The following SPIRE2 variants were observed in gnomAD, a reference collection of about 807,000 sequenced individuals.
SPIRE2 encodes the protein protein spire homolog 2.
In SPIRE2, 76 loss-of-function variants were observed where a neutral mutation model predicts 80.7. The observed-to-expected ratio is 0.94, with a 90% CI of 0.78 to 1.14. The LOEUF is 1.14. Ranked by LOEUF, SPIRE2 falls within the 50% of genes most tolerant of loss-of-function variation. SPIRE2 has a pLI of 0.00. For synonymous variants in SPIRE2, 535 were observed against 432.6 expected (o/e 1.24, Z -2.94); for missense variants, 1,196 against 1,015.3 (o/e 1.18, Z -2.42).
At chr16:89,865,924 C>T (rs1315028053) in intron 12 of SPIRE2, among the ~76,000 whole-genome samples, 11 of 143,696 alleles carry the variant, frequency 7.7e-5, no homozygotes, top group South Asian at 2.2e-4. Context: ...GCCGAGATCG[C>T]GCCACTGCAC....
chr16:89,829,631 A>C (rs1311909672), intron 1 of SPIRE2, among the ~76,000 whole-genome samples: 1 of 152,184 alleles, frequency 6.6e-6, no homozygotes, highest in African/African-American at 2.4e-5. Context: ...GACAGAAGCA[A>C]GCTACAGAGC....
chr16:89,854,405 C>T (rs571296921), intron 4 of SPIRE2, 39 bp downstream of exon 4: 2 of 1,611,128 alleles, frequency 1.2e-6, no homozygotes, highest in East Asian at 4.5e-5. Context: ...ACTGACGCGG[C>T]CCAGCCTGCC....
intron 1 of SPIRE2, among the ~76,000 whole-genome samples, chr16:89,839,705 A>G (rs993742733): frequency 2.6e-5 from 4 of 152,174 alleles, no homozygotes; most frequent in African/African-American, 4.8e-5. Flanking sequence ...GCCAAATGCT[A>G]TGGCCTCATC....
chr16:89,834,679 C>T (rs1349327518), intron 1 of SPIRE2, among the ~76,000 whole-genome samples: 5 of 101,582 alleles, frequency 4.9e-5, no homozygotes, highest in South Asian at 3.5e-4. Flanking sequence ...TGAACCTGCC[C>T]GCACTCGCGG....
At chr16:89,857,102 A>T (rs994068549) in intron 7 of SPIRE2, among the ~76,000 whole-genome samples, 3 of 150,050 alleles carry the variant, frequency 2.0e-5, no homozygotes, top group African/African-American at 4.9e-5. Flanking sequence ...GCCTCTCATT[A>T]AAAACTTTAC....
At position 89,870,006 on chromosome 16, in the gene SPIRE2, C is replaced by A. The variant is rs761968131; in HGVS notation, c.1923-44C>A. On this transcript the variant is annotated intron_variant, in intron 14 of 14. Transcript: ENST00000378247. ...CACAAGCAGGGAGGGGGGTGTGGCA[C>A]CCTGGCTGGCTCCTCTCCCTGAGTG... The A allele has an allele frequency of 3.9e-6, 6 of 1,554,228 alleles. No individual in the cohort carries two copies. The East Asian group carries it at 1.4e-4, about 36-fold the overall frequency.
chr16:89,844,699 A>C (rs1444841573), intron 1 of SPIRE2, among the ~76,000 whole-genome samples: 1 of 152,062 alleles, frequency 6.6e-6, no homozygotes, highest in Non-Finnish European at 1.5e-5. Flanking sequence ...CAGCCTCCCA[A>C]AGTGCCGGGA....
In SPIRE2 at chr16:89,870,359, CATATATAG is replaced by C. The variant is rs1403786235; in HGVS notation, c.*91_*98del. ...TCTGAGCTGTGCATGTACATATATACATATATAGATACATTTATAATATATACACACAG... is the reference window on the plus strand; with the variant it reads ...TCTGAGCTGTGCATGTACATATATACATACATTTATAATATATACACACAG... On this transcript the variant is annotated 3_prime_UTR_variant, in exon 15 of 15. Coordinates refer to ENST00000378247, the MANE Select transcript of SPIRE2 (RefSeq NM_032451.2). 1 of 704,160 alleles carries C rather than the reference CATATATAG, an allele frequency of 1.4e-6. No homozygotes were observed. Among genetic ancestry groups the C allele is most frequent in the African/African-American group, 1.8e-5 (1 of 56,220 alleles). The allele number at this position is 704,160 out of a possible 1,614,324, so 43.6% of individuals were successfully genotyped here. A position where few individuals can be genotyped will look rare whatever the true frequency, so the allele number is the denominator to read the frequency against.
intron 1 of SPIRE2, among the ~76,000 whole-genome samples, chr16:89,841,448 G>A (rs939893191): frequency 9.2e-5 from 14 of 152,240 alleles, no homozygotes; most frequent in African/African-American, 2.6e-4. Context: ...CGTTGGTGAC[G>A]TGGTTGTGGT....
chr16:89,855,083 C>T (rs950119021), intron 5 of SPIRE2, among the ~76,000 whole-genome samples: 4 of 152,110 alleles, frequency 2.6e-5, no homozygotes, highest in Non-Finnish European at 5.9e-5. Context: ...GGACTACAGG[C>T]GCCCGCCACC....
At position 89,858,060 on chromosome 16, in the gene SPIRE2, AT is replaced by A. The variant is rs570381898; in HGVS notation, c.1103-272del. On this transcript the variant is annotated intron_variant, in intron 7 of 14. Transcript: ENST00000378247. ...ACCACGCCTGGCTAATTTTTTTTGT[AT>A]TTTTTAGTAGAGACAGGGTTTCACC... Among the ~76,000 whole-genome samples, 31 of 144,928 alleles carry A rather than the reference AT, an allele frequency of 2.1e-4. No individual in the cohort carries two copies. In the South Asian group the frequency reaches 4.1e-3, roughly 19 times the overall value.
At chr16:89,830,493 A>G (rs1450469502) in intron 1 of SPIRE2, among the ~76,000 whole-genome samples, 2 of 151,308 alleles carry the variant, frequency 1.3e-5, no homozygotes, top group Non-Finnish European at 3.0e-5. Flanking sequence ...GTCAGCTGAG[A>G]CATCAGGCCA....
rs2041347455 is a variant in SPIRE2 at position 89,828,556 on chromosome 16, C to T, written c.6C>T (p.Ala2=). M[A]RAGSCGGAAA... ...GAGGCGATGACGGCCCCGCCATGGC[C>T]CGGGCGGGCAGCTGCGGCGGCGCCG... Residue 2 remains alanine, a synonymous_variant, in exon 1 of 15, where the codon GCC becomes GCT. Coordinates refer to ENST00000378247, the MANE Select transcript of SPIRE2 (RefSeq NM_032451.2). This position sits in a 1 kb window ranked among gnomAD's most constrained non-coding sequence, Gnocchi z 5.9. 7.1e-6 allele frequency: 8 copies of T among 1,127,578 alleles called. No individual in the cohort carries two copies. The highest frequency in any genetic ancestry group is 5.0e-5 in the Admixed American group (1 of 19,922). The allele number at this position is 1,127,578 out of a possible 1,614,324, so 69.8% of individuals were successfully genotyped here.
At chr16:89,853,580 C>A (rs2041657805) in intron 3 of SPIRE2, among the ~76,000 whole-genome samples, 1 of 152,172 alleles carries the variant, frequency 6.6e-6, no homozygotes, top group South Asian at 2.1e-4. Flanking sequence ...TGTCCCAAAG[C>A]AGTGTGGCGG....
intron 13 of SPIRE2, among the ~76,000 whole-genome samples, chr16:89,869,053 A>AAACAAACATATAT: frequency 8.3e-5 from 2 of 24,034 alleles, no homozygotes; most frequent in African/African-American, 3.3e-4. Flanking sequence ...AAAAAAAAAA[A>AAACAAACATATAT]ATATATATAT....
chr16:89,855,797 C>T, intron 6 of SPIRE2, 111 bp downstream of exon 6: 1 of 1,115,844 alleles, frequency 9.0e-7, no homozygotes. Context: ...TGGGAGGTGT[C>T]CCAGTGCGTC....
chr16:89,850,127 C>T (rs767217663), intron 2 of SPIRE2, 177 bp from the exon 3 acceptor site: 29 of 715,980 alleles, frequency 4.1e-5, no homozygotes, highest in South Asian at 2.2e-4. Flanking sequence ...TGGGCCACCG[C>T]GCCCGGCCGG....
intron 2 of SPIRE2, among the ~76,000 whole-genome samples, chr16:89,849,518 G>A (rs1183168389): frequency 6.6e-6 from 1 of 152,200 alleles, no homozygotes; most frequent in African/African-American, 2.4e-5. Context: ...AACCCTTTAA[G>A]ACATGGAACA....
At chr16:89,840,280 C>T (rs8056619) in intron 1 of SPIRE2, among the ~76,000 whole-genome samples, 5,032 of 144,726 alleles carry the variant, frequency 0.035, 124 homozygotes, top group Middle Eastern at 0.18. Context: ...GACGGAGTCT[C>T]GCTCTGTCGT....
Sources: allele counts gnomAD v4.1 joint callset (sites outside exome capture counted in the v4.1 genomes callset), GRCh38; gene constraint gnomAD v4.1.1; non-coding constraint Gnocchi (gnomAD v3.1); transcripts MANE v1.5; gene names NCBI Gene and HGNC (gene_info 2026-07-23, HGNC 2026-07-21).